MDN1: variants seen among roughly 807,000 people sequenced by gnomAD.
MDN1 encodes midasin.
A neutral mutation model predicts 669.2 loss-of-function variants in MDN1; 266 were observed. The ratio of observed to expected loss-of-function variants is 0.40; its 90% CI spans 0.36 to 0.44. The LOEUF (loss-of-function observed/expected upper bound fraction) is 0.44. MDN1 is among the 20% of genes least tolerant of loss of function. The pLI, the probability that MDN1 is intolerant of heterozygous loss-of-function variation, is 1.00. For synonymous variants in MDN1, 2,385 were observed against 2,457.1 expected (o/e 0.97, Z 0.87); for missense variants, 5,940 against 6,754.0 (o/e 0.88, Z 4.22).
Position 89,688,078 on chromosome 6 carries a change from C to T in MDN1, c.11355G>A (p.Gln3785=). ...NGLEILLAKA[Q]DWEENASRAL... is the part of the protein sequence containing the mutation. Reference sequence around the variant, plus strand: ...ATGAGGAAGAGAGGTATTAGCTCACCTGTGCCTTTGCCAGAAGGATCTCTA... The same window carrying T: ...ATGAGGAAGAGAGGTATTAGCTCACTTGTGCCTTTGCCAGAAGGATCTCTA... Residue 3785 remains glutamine, a splice_region_variant and synonymous_variant, in exon 67 of 102, where the codon CAG becomes CAA. Coordinates refer to ENST00000369393, the MANE Select transcript of MDN1 (RefSeq NM_014611.3). The T allele has an allele frequency of 6.2e-7, 1 of 1,612,640 alleles. No individual in the cohort carries two copies. Among genetic ancestry groups the T allele is most frequent in the Non-Finnish European group, 8.5e-7 (1 of 1,178,654 alleles).
intron 33 of MDN1, among the ~76,000 whole-genome samples, chr6:89,733,251 C>G (rs1815720901): frequency 2.0e-5 from 3 of 150,574 alleles, no homozygotes; most frequent in Admixed American, 2.0e-4. Context: ...TTTTTTACAT[C>G]TATTCAGCAA....
intron 15 of MDN1, among the ~76,000 whole-genome samples, chr6:89,767,289 T>C (rs1178865134): frequency 6.6e-6 from 1 of 152,108 alleles, no homozygotes; most frequent in African/African-American, 2.4e-5. Context: ...AAAAGACATA[T>C]CATGCCAACA....
intron 33 of MDN1, 91 bp from the exon 34 acceptor site, chr6:89,732,866 G>A: frequency 9.0e-6 from 10 of 1,112,750 alleles, no homozygotes. Context: ...GGCCTAAAAG[G>A]GGTCTCTGCT....
intron 40 of MDN1, among the ~76,000 whole-genome samples, chr6:89,719,766 C>A (rs1814686881): frequency 6.6e-6 from 1 of 152,186 alleles, no homozygotes; most frequent in South Asian, 2.1e-4. Flanking sequence ...TGGTTGGTGA[C>A]CGATTTTAAA....
chr6:89,699,535 G>C (rs558688573), intron 58 of MDN1, 66 bp downstream of exon 58: 1 of 1,510,346 alleles, frequency 6.6e-7, no homozygotes, highest in African/African-American at 1.4e-5. Flanking sequence ...TTCCCAACCA[G>C]TCTGTCAAAG....
rs1819445982 is a variant in MDN1, at chr6:89,794,198, G to C, written c.564C>G (p.Ala188=). 1 of 1,570,726 alleles carries C rather than the reference G, an allele frequency of 6.4e-7. No homozygotes were observed. The highest frequency in any genetic ancestry group is 8.6e-7 in the Non-Finnish European group (1 of 1,158,350). Residue 188 remains alanine (A), a synonymous_variant, in exon 4 of 102, where the codon GCC becomes GCG. Coordinates refer to ENST00000369393, the MANE Select transcript of MDN1 (RefSeq NM_014611.3). ...SHDTLVRWYT[A]NCLALVTCMN... ...TACAGGTAACCAAAGCAAGACAATT[G>C]GCTGTATACCTAGGGAAAAAGAAAG... is the stretch of plus-strand genomic sequence containing the variant.
chr6:89,700,375 C>T (rs2128309664), intron 56 of MDN1, 81 bp from the exon 57 acceptor site: 2 of 1,122,700 alleles, frequency 1.8e-6, no homozygotes, highest in East Asian at 2.4e-5. Context: ...TGCTATGTGA[C>T]TGCAAGCTTA....
Position 89,686,888 on chromosome 6 carries a change from C to T in MDN1, c.11572+14G>A, listed in dbSNP as rs1812049879. ...AAGCTCTAAGTGGGCAGGAAATGTA[C>T]TGCTAGGCATTACCTTCCTGTTCTT... On this transcript the variant is annotated intron_variant, in intron 69 of 101. Coordinates refer to ENST00000369393, the MANE Select transcript of MDN1 (RefSeq NM_014611.3). 1 of 1,613,552 alleles carries T rather than the reference C, an allele frequency of 6.2e-7. No individual in the cohort carries two copies. Among genetic ancestry groups the T allele is most frequent in the Non-Finnish European group, 8.5e-7 (1 of 1,179,774 alleles).
At chr6:89,743,429 C>T in intron 30 of MDN1, 147 bp downstream of exon 30, 2 of 1,338,446 alleles carry the variant, frequency 1.5e-6, no homozygotes, top group Non-Finnish European at 2.1e-6. Flanking sequence ...CACCAGAATG[C>T]TTGTGAAGGC....
At chr6:89,663,485 T>C (rs529879009) in intron 85 of MDN1, among the ~76,000 whole-genome samples, 3 of 152,230 alleles carry the variant, frequency 2.0e-5, no homozygotes, top group Non-Finnish European at 4.4e-5. Context: ...CTGCAAGATA[T>C]TCATTTTAGA....
chr6:89,816,245 C>T (rs1768820029), intron 1 of MDN1, among the ~76,000 whole-genome samples: 1 of 151,602 alleles, frequency 6.6e-6, no homozygotes, highest in South Asian at 2.1e-4. Flanking sequence ...ACTAAAAATA[C>T]AAAAATTAGC....
chr6:89,745,149 A>AAG (rs1385006172), intron 29 of MDN1, 124 bp downstream of exon 29: 39 of 1,033,986 alleles, frequency 3.8e-5, no homozygotes, highest in South Asian at 7.5e-5. Context: ...AAAAAAAAAA[A>AAG]AAAGAAAAAA....
chr6:89,673,173 T>TA, intron 80 of MDN1, 63 bp downstream of exon 80: 2 of 1,372,294 alleles, frequency 1.5e-6, no homozygotes, highest in Non-Finnish European at 2.1e-6. Flanking sequence ...CAATGAGACT[T>TA]ACATCTATAA....
In MDN1 at chr6:89,754,198, G is replaced by A. The variant is rs1044290686; in HGVS notation, c.2849C>T (p.Thr950Ile). Residue 950 changes from threonine (T) to isoleucine (I), a missense_variant, in exon 21 of 102, where the codon ACC becomes ATC. Transcript: ENST00000369393. The part of the protein sequence containing the change: ...FYTALRKESG[T>I]KLVDGTGHRP... ...ATGGCCAGTGCCATCCACCAGTTTG[G>A]TCCCAGACTCTTTCCGCAAAGCTGT... 1.2e-6 allele frequency: 2 copies of A among 1,613,878 alleles called. No homozygotes were observed. The highest frequency in any genetic ancestry group is 1.7e-6 in the Non-Finnish European group (2 of 1,179,928).
chr6:89,678,738 C>A lies in MDN1; in HGVS notation c.12273G>T (p.Val4091=). The change falls in exon 75 of 102, where the codon GTG becomes GTT. Residue 4091 remains valine (V), a synonymous_variant. Transcript: ENST00000369393. The part of the protein sequence containing the change: ...VEGLDQFTGE[V]ISSVSELQSL... ...TCTGCAGCTCACTCACAGAGGAAAT[C>A]ACTTCACCTGTAAGGGAAAACAAGG... 2 of 1,611,524 alleles carry A rather than the reference C, an allele frequency of 1.2e-6. No homozygotes were observed. Among genetic ancestry groups the A allele is most frequent in the Non-Finnish European group, 1.7e-6 (2 of 1,178,944 alleles).
intron 1 of MDN1, among the ~76,000 whole-genome samples, chr6:89,816,829 C>CA (rs1346382890): frequency 3.3e-5 from 5 of 151,982 alleles, no homozygotes; most frequent in Admixed American, 2.0e-4. Flanking sequence ...TGCCCGCCAC[C>CA]ATGCCCAGCT....
At chr6:89,791,875 ATTTT>A (rs66492732) in intron 5 of MDN1, among the ~76,000 whole-genome samples, 2 of 114,066 alleles carry the variant, frequency 1.8e-5, no homozygotes, top group East Asian at 2.5e-4. Flanking sequence ...AAAACTTTTA[ATTTT>A]TTTTTTTTTT....
At position 89,787,746 on chromosome 6, in the gene MDN1, C is replaced by G. The variant is rs1819043137; in HGVS notation, c.1334+108G>C. ...AGACCTGTTATCACTTCCAACTAAC[C>G]TTGCTTGAAGTAGACCCAGAGAACT... is the stretch of plus-strand genomic sequence containing the variant. On this transcript the variant is annotated intron_variant, in intron 8 of 101. Coordinates refer to ENST00000369393, the MANE Select transcript of MDN1 (RefSeq NM_014611.3). 29 of 720,258 alleles carry G rather than the reference C, an allele frequency of 4.0e-5. 1 individual carries two copies. Among genetic ancestry groups the G allele is most frequent in the South Asian group, 3.8e-4 (21 of 54,816 alleles). The allele number at this position is 720,258 out of a possible 1,614,324, so 44.6% of individuals were successfully genotyped here.
chr6:89,755,253 G>C (rs1334473863), intron 20 of MDN1, among the ~76,000 whole-genome samples: 2 of 151,838 alleles, frequency 1.3e-5, no homozygotes, highest in Non-Finnish European at 2.9e-5. Flanking sequence ...ATTTAATACA[G>C]GACTTCAGGA....
Sources: allele counts gnomAD v4.1 joint callset (sites outside exome capture counted in the v4.1 genomes callset), GRCh38; gene constraint gnomAD v4.1.1; transcripts MANE v1.5; gene names NCBI Gene and HGNC (gene_info 2026-07-23, HGNC 2026-07-21).